The following CAST variants were observed in gnomAD, a reference collection of about 807,000 sequenced individuals.
The protein encoded by CAST is MIR583 host.
In CAST, 76 loss-of-function variants were observed where a neutral mutation model predicts 119.6. The observed-to-expected ratio is 0.64, with a 90% CI of 0.53 to 0.77. The LOEUF is 0.77. CAST is among the 30% of genes least tolerant of loss of function. The pLI, the probability that CAST is intolerant of heterozygous loss-of-function variation, is 0.00. For synonymous variants in CAST, 319 were observed against 331.6 expected (o/e 0.96, Z 0.41); for missense variants, 953 against 946.5 (o/e 1.01, Z -0.09).
chr5:96,236,792 T>G, the CAST span, among the ~76,000 whole-genome samples: 3 of 152,198 alleles, frequency 2.0e-5, no homozygotes, highest in African/African-American at 7.2e-5. Flanking sequence ...AGTTAGACAA[T>G]ACTGTGTATT....
chr5:96,313,667 C>G, the CAST span, among the ~76,000 whole-genome samples: 7 of 152,136 alleles, frequency 4.6e-5, no homozygotes, highest in African/African-American at 1.4e-4. Context: ...AGGGTAAATA[C>G]CTTCATGTAA....
the CAST span, among the ~76,000 whole-genome samples, chr5:96,164,450 C>T: frequency 1.3e-5 from 2 of 152,200 alleles, no homozygotes; most frequent in African/African-American, 4.8e-5. Flanking sequence ...ATTAGTCTGT[C>T]TAGCCTGTCA....
At chr5:96,144,200 A>T in the CAST span, among the ~76,000 whole-genome samples, 13 of 152,316 alleles carry the variant, frequency 8.5e-5, no homozygotes, top group African/African-American at 2.9e-4. Context: ...TTTGAAAGTT[A>T]TCATTAAGAA....
At chr5:96,762,429 G>A in intron 25 of CAST, 57 bp downstream of exon 25, 2 of 1,257,372 alleles carry the variant, frequency 1.6e-6, no homozygotes, top group Non-Finnish European at 2.2e-6. Context: ...CAACTAGAAA[G>A]AAAATAGGGC....
chr5:96,246,777 G>A, the CAST span, among the ~76,000 whole-genome samples: 508 of 152,220 alleles, frequency 3.3e-3, 3 homozygotes, highest in African/African-American at 0.012. Flanking sequence ...GCTTGGCTTC[G>A]ATCTGGCCAA....
At chr5:96,142,684 T>G in the CAST span, among the ~76,000 whole-genome samples, 2 of 152,174 alleles carry the variant, frequency 1.3e-5, no homozygotes, top group African/African-American at 4.8e-5. Context: ...TTTAATCTAC[T>G]CACATGAGAA....
chr5:96,216,251 T>G, the CAST span, among the ~76,000 whole-genome samples: 2 of 152,154 alleles, frequency 1.3e-5, no homozygotes. Flanking sequence ...CAGTTAAGTT[T>G]TGGGGGAGTC....
chr5:96,742,810 C>T (rs566020041), intron 16 of CAST, 54 bp downstream of exon 16: 116 of 1,164,394 alleles, frequency 1.0e-4, no homozygotes, highest in African/African-American at 1.7e-4. Context: ...ATTACAAAAC[C>T]GAATGCACTC....
At chr5:96,398,903 GA>G in the CAST span, 1 of 1,613,622 alleles carries the variant, frequency 6.2e-7, no homozygotes, top group South Asian at 1.1e-5. Flanking sequence ...AGTGTGACAT[GA>G]AGGTCTCCTC....
At chr5:96,104,415 G>A in the CAST span, among the ~76,000 whole-genome samples, 2 of 152,108 alleles carry the variant, frequency 1.3e-5, no homozygotes, top group African/African-American at 2.4e-5. Context: ...TTTTGTATAA[G>A]GTGTAAGGAA....
At chr5:96,209,095 A>G in the CAST span, among the ~76,000 whole-genome samples, 1 of 151,584 alleles carries the variant, frequency 6.6e-6, no homozygotes, top group Non-Finnish European at 1.5e-5. Context: ...CTCTTCTGAT[A>G]TTTGTTGGTT....
chr5:96,594,195 AG>A lies in CAST; in HGVS notation c.60+64316del, dbSNP rs1747014327. Among the ~76,000 whole-genome samples the A allele has an allele frequency of 5.3e-5, 8 of 152,354 alleles. No individual in the cohort carries two copies. The Middle Eastern group carries it at 0.02, about 389-fold the overall frequency. On this transcript the variant is annotated intron_variant, in intron 1 of 11. Coordinates refer to the CAST transcript ENST00000505143. ...AATGATGTTGTAAGAAACATGAATG[AG>A]CAAGAAACTCTCGTTTTTTCCACCT...
At chr5:96,370,799 T>C in the CAST span, among the ~76,000 whole-genome samples, 6 of 152,138 alleles carry the variant, frequency 3.9e-5, no homozygotes, top group African/African-American at 4.8e-5. Context: ...AGCAAAACAA[T>C]AGAAGAAAGC....
chr5:96,562,155 A>G (rs1746385502), intron 1 of CAST, among the ~76,000 whole-genome samples: 1 of 151,800 alleles, frequency 6.6e-6, no homozygotes, highest in Non-Finnish European at 1.5e-5. Flanking sequence ...AATATAATGG[A>G]AAATTTAGAA....
chr5:96,547,421 C>T (rs1746038153), intron 1 of CAST, among the ~76,000 whole-genome samples: 1 of 152,174 alleles, frequency 6.6e-6, no homozygotes, highest in South Asian at 2.1e-4. Context: ...AGCCCAAGGG[C>T]AGGAGACAGA....
At chr5:96,338,820 G>A in the CAST span, among the ~76,000 whole-genome samples, 2 of 152,108 alleles carry the variant, frequency 1.3e-5, no homozygotes, top group Non-Finnish European at 2.9e-5. Flanking sequence ...GGCTCCTGGT[G>A]TTCTTGCTCA....
the CAST span, among the ~76,000 whole-genome samples, chr5:96,459,615 C>T: frequency 6.6e-6 from 1 of 152,126 alleles, no homozygotes; most frequent in Non-Finnish European, 1.5e-5. Context: ...TCAGAACTCC[C>T]ATGGAGTTTT....
the CAST span, among the ~76,000 whole-genome samples, chr5:96,202,576 CAA>C: frequency 6.6e-6 from 1 of 151,946 alleles, no homozygotes; most frequent in Non-Finnish European, 1.5e-5. Flanking sequence ...ATTAGCAAAA[CAA>C]AACAAAACTT....
chr5:96,534,895 GGAAA>G (rs1745775577), intron 1 of CAST, among the ~76,000 whole-genome samples: 4 of 142,444 alleles, frequency 2.8e-5, no homozygotes, highest in Non-Finnish European at 6.1e-5. Context: ...AAAGAAAGAA[GGAAA>G]GAAGGAAGGA....
Sources: allele counts gnomAD v4.1 joint callset (sites outside exome capture counted in the v4.1 genomes callset), GRCh38; gene constraint gnomAD v4.1.1; transcripts MANE v1.5; gene names NCBI Gene and HGNC (gene_info 2026-07-23, HGNC 2026-07-21).